ZNF599: variants seen among roughly 807,000 people sequenced by gnomAD.
ZNF599 encodes zinc finger protein 599.
ZNF599 carries 10 observed loss-of-function variants against 11.7 expected under a neutral mutation model. The observed-to-expected ratio is 0.86, with a 90% CI of 0.53 to 1.45. The LOEUF (loss-of-function observed/expected upper bound fraction) is 1.45, where lower values mean the gene tolerates loss of function less well. ZNF599 is among the 40% of genes most tolerant of loss of function. The pLI is 0.00. For synonymous variants in ZNF599, 232 were observed against 253.2 expected (o/e 0.92, Z 0.79); for missense variants, 688 against 713.6 (o/e 0.96, Z 0.41).
upstream of ZNF599, among the ~76,000 whole-genome samples, chr19:34,774,198 G>A (rs149799864): frequency 0.011 from 1,718 of 152,262 alleles, 28 homozygotes; most frequent in African/African-American, 0.04. Context: ...CCTAAGGGAA[G>A]AGTGGAGTTG....
chr19:34,786,064 G>C, the ZNF599 span, among the ~76,000 whole-genome samples: 1 of 152,088 alleles, frequency 6.6e-6, no homozygotes, highest in Non-Finnish European at 1.5e-5. Flanking sequence ...CAAAGGGGTG[G>C]AGGTAGGTCC....
chr19:34,760,343 T>G lies in ZNF599; in HGVS notation c.458A>C (p.Lys153Thr). 1 of 1,614,180 alleles carries G rather than the reference T, an allele frequency of 6.2e-7. No individual in the cohort carries two copies. Among genetic ancestry groups the G allele is most frequent in the Admixed American group, 1.7e-5 (1 of 60,016 alleles). Residue 153 changes from lysine (K) to threonine (T), a missense_variant, in exon 4 of 4, where the codon AAA becomes ACA. Lys to Thr is a moderately conservative substitution (Grantham distance 78). Transcript: ENST00000329285. ...KEICPEKLSYKHDDLEPDDSL... is the reference protein window; with the variant it reads ...KEICPEKLSYTHDDLEPDDSL... Reference sequence around the variant, plus strand: ...ATCATCTGGCTCCAAATCATCATGTTTATAACTCAACTTCTCAGGGCATAT... The same window carrying G: ...ATCATCTGGCTCCAAATCATCATGTGTATAACTCAACTTCTCAGGGCATAT...
At chr19:34,792,530 C>G in the ZNF599 span, among the ~76,000 whole-genome samples, 1 of 152,084 alleles carries the variant, frequency 6.6e-6, no homozygotes, top group Non-Finnish European at 1.5e-5. Flanking sequence ...TCTGTATAAA[C>G]CAAGGAACAA....
At chr19:34,764,482 A>G (rs376896865) in intron 3 of ZNF599, 46 of 152,374 alleles carry the variant, frequency 3.0e-4, no homozygotes, top group African/African-American at 1.1e-3. Flanking sequence ...AAGAATATTC[A>G]TAAGAGTAGT....
the ZNF599 span, among the ~76,000 whole-genome samples, chr19:34,779,067 C>T: frequency 6.6e-6 from 1 of 151,972 alleles, no homozygotes; most frequent in Non-Finnish European, 1.5e-5. Context: ...ACCAACACTG[C>T]TGGTGAGAAC....
chr19:34,806,544 G>A, the ZNF599 span, among the ~76,000 whole-genome samples: 1 of 152,192 alleles, frequency 6.6e-6, no homozygotes, highest in East Asian at 1.9e-4. Flanking sequence ...CAGTAGAAAA[G>A]TAAATAGTTT....
chr19:34,777,318 CTATATTATATATTATATATTAATATATTA>C (rs1379964692), upstream of ZNF599, among the ~76,000 whole-genome samples: 5 of 80,864 alleles, frequency 6.2e-5, no homozygotes, highest in African/African-American at 2.6e-4. Context: ...GTATATTTAT[CTATATTATATATTATATATTAATATATTA>C]TATATTATAT....
upstream of ZNF599, among the ~76,000 whole-genome samples, chr19:34,776,537 C>T (rs769743062): frequency 3.9e-5 from 6 of 152,144 alleles, no homozygotes; most frequent in Non-Finnish European, 8.8e-5. Flanking sequence ...AGCAAGGCAG[C>T]GGCTGTTTCT....
the ZNF599 span, among the ~76,000 whole-genome samples, chr19:34,802,101 G>A: frequency 6.6e-6 from 1 of 152,170 alleles, no homozygotes; most frequent in African/African-American, 2.4e-5. Context: ...TACCCTAAAA[G>A]CAAAGACATG....
At position 34,767,370 on chromosome 19, in the gene ZNF599, G is replaced by A; in HGVS notation, c.187C>T (p.His63Tyr). Residue 63 changes from histidine to tyrosine, a missense_variant, in exon 3 of 4, where the codon CAT (histidine) becomes TAT (tyrosine). His to Tyr is a moderately conservative substitution (Grantham distance 83). Transcript: ENST00000329285. ...TTCACTGTCCACAGTTCCTGTCCAT[G>A]TTCCAGTAGATAGATCAGCTCTGGT... ...PKPELIYLLEHGQELWTVKRG... is the reference protein window; with the variant it reads ...PKPELIYLLEYGQELWTVKRG... 6.2e-7 allele frequency: 1 copy of A among 1,614,174 alleles called. No homozygotes were observed. Among genetic ancestry groups the A allele is most frequent in the Non-Finnish European group, 8.5e-7 (1 of 1,180,036 alleles).
chr19:34,760,248 C>T lies in ZNF599; in HGVS notation c.553G>A (p.Gly185Arg). 2 of 1,614,118 alleles carry T rather than the reference C, an allele frequency of 1.2e-6. No individual in the cohort carries two copies. The highest frequency in any genetic ancestry group is 1.7e-6 in the Non-Finnish European group (2 of 1,180,036). ...TCAGTCATGGGGTCTTTTCCTGGTC[C>T]TTGAGAGTCACACTCATGGAGAGCA... ...QDALHECDSQ[G>R]PGKDPMTDAR... The change falls in exon 4 of 4, where the codon GGA becomes AGA. Residue 185 changes from glycine (G) to arginine (R), a missense_variant. Gly to Arg is a moderately radical substitution (Grantham distance 125). Transcript: ENST00000329285.
chr19:34,766,935 T>C (rs754953443), intron 3 of ZNF599: 2 of 180,652 alleles, frequency 1.1e-5, no homozygotes, highest in Non-Finnish European at 2.3e-5. Flanking sequence ...CATTGGGCTA[T>C]GGCATGGATA....
chr19:34,769,397 G>A, intron 2 of ZNF599, 32 bp downstream of exon 2: 1 of 1,613,938 alleles, frequency 6.2e-7, no homozygotes. Context: ...GAGGCTGTGG[G>A]TCCCCTACAT....
At chr19:34,789,984 G>C in the ZNF599 span, among the ~76,000 whole-genome samples, 1 of 152,126 alleles carries the variant, frequency 6.6e-6, no homozygotes, top group African/African-American at 2.4e-5. Context: ...ACAGTTTTGT[G>C]TCTTATATTT....
chr19:34,778,042 C>T (rs1369457342), upstream of ZNF599, among the ~76,000 whole-genome samples: 1 of 151,890 alleles, frequency 6.6e-6, no homozygotes, highest in Non-Finnish European at 1.5e-5. Flanking sequence ...TGTTTATTAC[C>T]TTGATTATAG....
chr19:34,779,533 T>A, the ZNF599 span: 1 of 454,550 alleles, frequency 2.2e-6, no homozygotes, highest in Non-Finnish European at 4.4e-6. Flanking sequence ...TGGTGTGAAC[T>A]CTTTGGTGTT....
chr19:34,759,671 C>CA lies in ZNF599; in HGVS notation c.1129dup (p.Cys377LeufsTer20). ...GTGCTGAGTGAAGGATGAGTTGAGG[C>CA]AAAAGGTTTTTCCACATTCTTTACA... On this transcript the variant is annotated frameshift_variant, in exon 4 of 4. Coordinates refer to ENST00000329285, the MANE Select transcript of ZNF599 (RefSeq NM_001007248.3). LOFTEE classifies it low-confidence loss of function (END_TRUNC). The CA allele has an allele frequency of 6.2e-7, 1 of 1,614,040 alleles. No homozygotes were observed. The highest frequency in any genetic ancestry group is 8.5e-7 in the Non-Finnish European group (1 of 1,180,006).
In ZNF599 at chr19:34,760,519, A is replaced by G. The variant is rs1311766141; in HGVS notation, c.282T>C (p.Ser94=). The G allele has an allele frequency of 6.2e-7, 1 of 1,613,912 alleles. No homozygotes were observed. The highest frequency in any genetic ancestry group is 1.1e-5 in the South Asian group (1 of 91,056). ...AGGATTCCTCAGAGAAGGCCAGCTG[A>G]GAAGCAGTAGGCTCTGTAATCTTGG... The part of the protein sequence containing the change: ...AKPKITEPTA[S]QLAFSEESSF... Residue 94 remains serine (S), a synonymous_variant, in exon 4 of 4, where the codon TCT becomes TCC. Coordinates refer to ENST00000329285, the MANE Select transcript of ZNF599 (RefSeq NM_001007248.3).
At chr19:34,799,307 A>G in the ZNF599 span, among the ~76,000 whole-genome samples, 1 of 152,098 alleles carries the variant, frequency 6.6e-6, no homozygotes, top group African/African-American at 2.4e-5. Context: ...CCAGCCTCAT[A>G]CTATACATAG....
Sources: gnomAD v4.1 joint callset for allele counts (sites outside exome capture counted in the v4.1 genomes callset) on GRCh38, gnomAD v4.1.1 for gene constraint, MANE v1.5 for transcripts, NCBI Gene and HGNC (gene_info 2026-07-23, HGNC 2026-07-21) for gene names.